MTMR7: variants seen among roughly 807,000 people sequenced by gnomAD.
The protein encoded by MTMR7 is phosphatidylinositol-3-phosphate phosphatase MTMR7.
Under a neutral mutation model 81.2 loss-of-function variants are expected in MTMR7, and 76 were observed. The observed-to-expected ratio is 0.94, with a 90% CI of 0.78 to 1.13. MTMR7 has a LOEUF of 1.13. MTMR7 is among the 50% of genes most tolerant of loss of function. The pLI, the probability that MTMR7 is intolerant of heterozygous loss-of-function variation, is 0.00. For synonymous variants in MTMR7, 372 were observed against 289.8 expected (o/e 1.28, Z -2.88); for missense variants, 1,044 against 820.0 (o/e 1.27, Z -3.34).
intron 1 of MTMR7, among the ~76,000 whole-genome samples, chr8:17,376,764 T>C (rs1820601906): frequency 6.6e-6 from 1 of 152,194 alleles, no homozygotes; most frequent in Non-Finnish European, 1.5e-5. Flanking sequence ...CTGATATTTA[T>C]TATCGCATCG....
At chr8:17,373,902 A>G (rs534369808) in intron 1 of MTMR7, among the ~76,000 whole-genome samples, 92 of 152,346 alleles carry the variant, frequency 6.0e-4, no homozygotes, top group Non-Finnish European at 9.7e-4. Context: ...TATGCAGACC[A>G]ATTTTAAGGA....
intron 4 of MTMR7, among the ~76,000 whole-genome samples, chr8:17,353,064 T>C (rs780727750): frequency 6.6e-6 from 1 of 152,134 alleles, no homozygotes; most frequent in African/African-American, 2.4e-5. Flanking sequence ...AAGTGATGAA[T>C]GGATAAGCAA....
intron 1 of MTMR7, among the ~76,000 whole-genome samples, chr8:17,407,398 A>T (rs1821618653): frequency 1.3e-5 from 2 of 152,186 alleles, no homozygotes; most frequent in Admixed American, 1.3e-4. Context: ...AAAGTGTTAA[A>T]TGACATAACG....
intron 1 of MTMR7, among the ~76,000 whole-genome samples, chr8:17,411,757 C>T (rs753794167): frequency 7.2e-5 from 11 of 152,304 alleles, no homozygotes; most frequent in South Asian, 2.1e-4. Context: ...CAGGTTCACA[C>T]GTGACTTTGT....
chr8:17,385,599 T>A (rs563732310), intron 1 of MTMR7, among the ~76,000 whole-genome samples: 1 of 152,218 alleles, frequency 6.6e-6, no homozygotes, highest in South Asian at 2.1e-4. Flanking sequence ...CTTCCCTTTA[T>A]AAATTACCCA....
chr8:17,307,977 T>A, intron 10 of MTMR7, among the ~76,000 whole-genome samples: 1 of 152,004 alleles, frequency 6.6e-6, no homozygotes, highest in East Asian at 1.9e-4. Flanking sequence ...ACATGGCACA[T>A]GTATATATAT....
intron 9 of MTMR7, among the ~76,000 whole-genome samples, chr8:17,310,464 C>G (rs968381696): frequency 6.6e-6 from 1 of 152,098 alleles, no homozygotes; most frequent in African/African-American, 2.4e-5. Context: ...TAATGGGGCA[C>G]AATGAGAACA....
Position 17,300,024 on chromosome 8 carries a change from T to C in MTMR7, c.1821A>G (p.Gln607=), listed in dbSNP as rs376480210. 1.6e-5 allele frequency: 26 copies of C among 1,614,054 alleles called. No individual in the cohort carries two copies. The highest frequency in any genetic ancestry group is 2.2e-5 in the Non-Finnish European group (26 of 1,180,028). Residue 607 remains glutamine, a synonymous_variant, in exon 14 of 14, where the codon CAA becomes CAG. Transcript: ENST00000180173. ...GDEDSALILT[Q]DNLKSSDPDL... ...CTGGATCTGAACTTTTCAGATTGTC[T>C]TGGGTTAGAATCAGAGCAGAATCTT...
chr8:17,327,909 A>G (rs984171670), intron 7 of MTMR7, among the ~76,000 whole-genome samples: 1 of 152,210 alleles, frequency 6.6e-6, no homozygotes, highest in African/African-American at 2.4e-5. Context: ...TATACAGTAC[A>G]GATAATACCA....
intron 12 of MTMR7, 29 bp downstream of exon 12, chr8:17,304,350 G>C (rs1420899579): frequency 6.2e-7 from 1 of 1,602,292 alleles, no homozygotes; most frequent in Admixed American, 1.7e-5. Flanking sequence ...TTCATACCAT[G>C]GCTACAAAGT....
chr8:17,325,559 C>A (rs1586190090), intron 7 of MTMR7, among the ~76,000 whole-genome samples: 1 of 152,142 alleles, frequency 6.6e-6, no homozygotes, highest in Non-Finnish European at 1.5e-5. Flanking sequence ...AGTCCCTGAC[C>A]GTACGATCGC....
At chr8:17,306,969 A>G (rs1377463185) in intron 10 of MTMR7, among the ~76,000 whole-genome samples, 1 of 152,216 alleles carries the variant, frequency 6.6e-6, no homozygotes, top group Non-Finnish European at 1.5e-5. Context: ...CATTCAGGAC[A>G]TAGGCATGGG....
intron 4 of MTMR7, among the ~76,000 whole-genome samples, chr8:17,354,761 A>C (rs2150552338): frequency 6.6e-6 from 1 of 152,318 alleles, no homozygotes; most frequent in East Asian, 1.9e-4. Context: ...CAAAAGCAAA[A>C]GGAATGGATT....
intron 1 of MTMR7, among the ~76,000 whole-genome samples, chr8:17,394,629 T>C (rs1027554394): frequency 3.9e-5 from 6 of 152,304 alleles, no homozygotes; most frequent in Middle Eastern, 3.4e-3. Context: ...GGTTACATAA[T>C]GTTGTGAATA....
chr8:17,360,853 C>T lies in MTMR7; in HGVS notation c.468+264G>A, dbSNP rs118029525. 9.2e-3 allele frequency among the ~76,000 whole-genome samples: 1,405 copies of T among 152,206 alleles called. 9 individuals carry two copies. The highest frequency in any genetic ancestry group is 0.015 in the Non-Finnish European group (1,052 of 68,004). On this transcript the variant is annotated intron_variant, in intron 4 of 13. Coordinates refer to ENST00000180173, the MANE Select transcript of MTMR7 (RefSeq NM_004686.5). ...CCCACCAACTGCCTGTCCACAAGGC[C>T]TGCCACCCGGCCTCTCTGGGTTTCA...
intron 3 of MTMR7, among the ~76,000 whole-genome samples, 197 bp downstream of exon 3, chr8:17,370,840 T>G (rs1056814781): frequency 6.6e-6 from 1 of 152,010 alleles, no homozygotes; most frequent in Non-Finnish European, 1.5e-5. Context: ...ACTCACATAA[T>G]AAATAACTCG....
At position 17,311,580 on chromosome 8, in the gene MTMR7, C is replaced by T; in HGVS notation, c.1032G>A (p.Arg344=). 6.2e-7 allele frequency: 1 copy of T among 1,614,166 alleles called. No homozygotes were observed. The highest frequency in any genetic ancestry group is 8.5e-7 in the Non-Finnish European group (1 of 1,180,028). Residue 344 remains arginine, a synonymous_variant, in exon 9 of 14, where the codon AGG becomes AGA. Coordinates refer to ENST00000180173, the MANE Select transcript of MTMR7 (RefSeq NM_004686.5). ...VLVHCSDGWD[R]TAQVCSVASL... ...TTGCCACCGAGCACACCTGAGCGGT[C>T]CTGTCCCAGCCATCAGAACAGTGAA...
At chr8:17,384,816 A>G (rs1032286147) in intron 1 of MTMR7, among the ~76,000 whole-genome samples, 4 of 152,222 alleles carry the variant, frequency 2.6e-5, no homozygotes, top group Non-Finnish European at 5.9e-5. Context: ...CTGTTTTTCC[A>G]AAAGGAGTAT....
At chr8:17,397,921 A>C (rs1050593603) in intron 1 of MTMR7, among the ~76,000 whole-genome samples, 2 of 152,172 alleles carry the variant, frequency 1.3e-5, no homozygotes, top group Non-Finnish European at 2.9e-5. Context: ...GAAAAAGACT[A>C]TCTCTCTGAT....
Sources: allele counts gnomAD v4.1 joint callset (sites outside exome capture counted in the v4.1 genomes callset), GRCh38; gene constraint gnomAD v4.1.1; transcripts MANE v1.5; gene names NCBI Gene and HGNC (gene_info 2026-07-23, HGNC 2026-07-21).